The following SCMH1 variants were observed in gnomAD, a reference collection of about 807,000 sequenced individuals.
SCMH1 encodes Scm polycomb group protein homolog 1, also known as polycomb protein SCMH1.
In SCMH1, 37 loss-of-function variants were observed where a neutral mutation model predicts 70.8. That is an observed-to-expected ratio of 0.52 (90% CI 0.40 to 0.69). The LOEUF is 0.69. SCMH1 is among the 30% of genes least tolerant of loss of function. The pLI, the probability that SCMH1 is intolerant of heterozygous loss-of-function variation, is 0.00. For missense variants in SCMH1, 607 were observed against 827.3 expected, an observed-to-expected ratio of 0.73 and a Z score of 3.27; for synonymous variants, 292 against 307.4, an observed-to-expected ratio of 0.95 and a Z score of 0.52.
intron 1 of SCMH1, among the ~76,000 whole-genome samples, chr1:41,194,481 G>A (rs546164135): frequency 2.0e-5 from 3 of 152,336 alleles, no homozygotes; most frequent in East Asian, 3.9e-4. Flanking sequence ...GATTTCATCA[G>A]AGGAAGCCAG....
At chr1:41,063,187 A>C (rs537785403) in intron 10 of SCMH1, among the ~76,000 whole-genome samples, 4 of 151,992 alleles carry the variant, frequency 2.6e-5, no homozygotes, top group Non-Finnish European at 4.4e-5. Context: ...TCAATAGAGG[A>C]AACAGGCCAG....
At chr1:41,027,283 G>C (rs1327489158) in exon 15 of SCMH1, 1 of 152,232 alleles carries the variant, frequency 6.6e-6, no homozygotes, top group African/African-American at 2.4e-5. Flanking sequence ...CTGCTGACTT[G>C]CTTACAAGGA....
Position 41,029,750 on chromosome 1 carries a change from C to T in SCMH1, c.1679-1024G>A, listed in dbSNP as rs577996461. Among the ~76,000 whole-genome samples the T allele has an allele frequency of 5.9e-5, 9 of 152,262 alleles. No homozygotes were observed. In the East Asian group the frequency reaches 1.3e-3, roughly 23 times the overall value. ...AACTTCAACTTAACTAAGCAGGTCT[C>T]GGCTTCAAGGATCAGTTCCTTTATG... On this transcript the variant is annotated intron_variant, in intron 13 of 14. Coordinates refer to ENST00000337495, the Ensembl canonical transcript of SCMH1.
chr1:41,240,083 TG>T (rs1214325678), intron 1 of SCMH1, among the ~76,000 whole-genome samples: 2 of 152,256 alleles, frequency 1.3e-5, no homozygotes, highest in African/African-American at 4.8e-5. Context: ...GCTATGCAAA[TG>T]TTTACCCAAC....
chr1:41,199,723 C>T (rs1466851001), intron 1 of SCMH1, among the ~76,000 whole-genome samples: 3 of 144,562 alleles, frequency 2.1e-5, no homozygotes, highest in Non-Finnish European at 4.5e-5. Context: ...CTAGGGACTC[C>T]ACAATAGGGG....
intron 1 of SCMH1, among the ~76,000 whole-genome samples, chr1:41,231,238 A>G (rs1557879442): frequency 2.0e-5 from 3 of 152,206 alleles, no homozygotes; most frequent in African/African-American, 7.2e-5. Context: ...CACCTAGTAT[A>G]CATTCTGGCA....
chr1:41,158,800 T>C (rs1384013210), intron 4 of SCMH1, among the ~76,000 whole-genome samples: 1 of 152,010 alleles, frequency 6.6e-6, no homozygotes, highest in Admixed American at 6.6e-5. Flanking sequence ...AGGTGTGAGA[T>C]TCAACTATGA....
exon 10 of SCMH1, chr1:41,070,625 T>C (rs759704384): frequency 6.2e-7 from 1 of 1,614,046 alleles, no homozygotes; most frequent in Non-Finnish European, 8.5e-7. Context: ...GAGCTGGGGA[T>C]GGTGGCAGCA....
chr1:41,121,911 A>G (rs979022486), intron 6 of SCMH1, among the ~76,000 whole-genome samples: 6 of 152,104 alleles, frequency 3.9e-5, no homozygotes, highest in African/African-American at 9.7e-5. Context: ...TCTATCACCC[A>G]CCAAACCCAA....
At chr1:41,186,132 A>G in exon 2 of SCMH1, 1 of 1,532,038 alleles carries the variant, frequency 6.5e-7, no homozygotes, top group Non-Finnish European at 8.8e-7. Flanking sequence ...ATTAGGCTGC[A>G]TAGTCAATGG....
intron 1 of SCMH1, among the ~76,000 whole-genome samples, chr1:41,225,866 T>A (rs1278164999): frequency 6.6e-6 from 1 of 152,180 alleles, no homozygotes; most frequent in Non-Finnish European, 1.5e-5. Flanking sequence ...GACTAGCGCT[T>A]TTTAAGCCTT....
Position 41,102,747 on chromosome 1 carries a change from G to A in SCMH1, c.745+10536C>T, listed in dbSNP as rs539341942. On this transcript the variant is annotated intron_variant, in intron 8 of 14. Transcript: ENST00000337495. ...GGTAAGATGATTCAGGAGCAGTTTCGGCAAGTGGAGGGCTATATTTTCTTA... is the reference window on the plus strand; with the variant it reads ...GGTAAGATGATTCAGGAGCAGTTTCAGCAAGTGGAGGGCTATATTTTCTTA... Among the ~76,000 whole-genome samples the A allele has an allele frequency of 1.1e-4, 17 of 152,246 alleles. No homozygotes were observed. In the East Asian group the frequency reaches 2.3e-3, roughly 21 times the overall value.
intron 8 of SCMH1, among the ~76,000 whole-genome samples, chr1:41,105,710 C>T (rs1667717077): frequency 6.6e-6 from 1 of 152,102 alleles, no homozygotes; most frequent in Non-Finnish European, 1.5e-5. Flanking sequence ...TTATCCTCAC[C>T]ACCATGTCAC....
intron 1 of SCMH1, among the ~76,000 whole-genome samples, chr1:41,226,247 C>T (rs1660253742): frequency 6.6e-6 from 1 of 152,034 alleles, no homozygotes; most frequent in South Asian, 2.1e-4. Context: ...AATTATTAGT[C>T]TGAGACAAAC....
intron 6 of SCMH1, among the ~76,000 whole-genome samples, chr1:41,140,457 T>C (rs1026039016): frequency 6.6e-6 from 1 of 152,108 alleles, no homozygotes; most frequent in Non-Finnish European, 1.5e-5. Context: ...AACACCCAGC[T>C]AATTTTTGTA....
At chr1:41,222,971 AT>A (rs1278102091) in intron 1 of SCMH1, among the ~76,000 whole-genome samples, 11 of 152,210 alleles carry the variant, frequency 7.2e-5, no homozygotes, top group African/African-American at 1.4e-4. Flanking sequence ...ACTATTTTGT[AT>A]TATAATTTAT....
At chr1:41,178,826 C>T (rs916521459) in intron 2 of SCMH1, among the ~76,000 whole-genome samples, 9 of 152,114 alleles carry the variant, frequency 5.9e-5, no homozygotes, top group South Asian at 2.1e-4. Context: ...GACAGATCAA[C>T]AAGACAGAAA....
At chr1:41,192,882 A>G (rs1171225731) in intron 1 of SCMH1, among the ~76,000 whole-genome samples, 1 of 152,238 alleles carries the variant, frequency 6.6e-6, no homozygotes, top group Non-Finnish European at 1.5e-5. Flanking sequence ...CTCCTAGAGC[A>G]GGGGTTGGCA....
chr1:41,127,136 T>C (rs1264279839), intron 6 of SCMH1, among the ~76,000 whole-genome samples: 1 of 152,192 alleles, frequency 6.6e-6, no homozygotes, highest in East Asian at 1.9e-4. Context: ...TTCATATGTC[T>C]GAGGACCATT....
Sources: gnomAD v4.1 joint callset for allele counts (sites outside exome capture counted in the v4.1 genomes callset) on GRCh38, gnomAD v4.1.1 for gene constraint, MANE v1.5 for transcripts, NCBI Gene and HGNC (gene_info 2026-07-23, HGNC 2026-07-21) for gene names.